The following ANKS1B variants were observed in gnomAD, a reference collection of about 807,000 sequenced individuals.
The protein encoded by ANKS1B is ankyrin repeat and sterile alpha motif domain-containing protein 1B.
ANKS1B carries 36 observed loss-of-function variants against 148.3 expected under a neutral mutation model. The observed-to-expected ratio is 0.24, with a 90% confidence interval of 0.19 to 0.32. The LOEUF is 0.32. ANKS1B is among the 10% of genes least tolerant of loss of function. The probability of loss-of-function intolerance (pLI) is 1.00; values close to 1 mark genes in which losing one functional copy is unlikely to be tolerated. For synonymous variants in ANKS1B, 542 were observed against 560.8 expected (o/e 0.97, Z 0.47); for missense variants, 1,157 against 1,542.6 (o/e 0.75, Z 4.19).
chr12:99,467,659 A>C, intron 10 of ANKS1B, among the ~76,000 whole-genome samples: 1 of 152,170 alleles, frequency 6.6e-6, no homozygotes. Flanking sequence ...ACAAACAGAG[A>C]GCCAAATCAT....
chr12:99,609,841 T>A (rs2097885104), intron 9 of ANKS1B, among the ~76,000 whole-genome samples: 1 of 152,060 alleles, frequency 6.6e-6, no homozygotes, highest in Admixed American at 6.6e-5. Flanking sequence ...CTAACCTGAA[T>A]TTGGAAAGGA....
At chr12:99,305,379 CTCATG>C (rs1018505418) in intron 12 of ANKS1B, among the ~76,000 whole-genome samples, 1 of 152,072 alleles carries the variant, frequency 6.6e-6, no homozygotes, top group Non-Finnish European at 1.5e-5. Context: ...AATTATCTGA[CTCATG>C]TCAGGAATTA....
intron 8 of ANKS1B, among the ~76,000 whole-genome samples, chr12:99,772,493 C>T (rs2063286637): frequency 6.6e-6 from 1 of 152,082 alleles, no homozygotes; most frequent in Non-Finnish European, 1.5e-5. Flanking sequence ...CCACATTTCT[C>T]TCCTACTATG....
intron 25 of ANKS1B, among the ~76,000 whole-genome samples, chr12:98,771,829 AC>A (rs1238701501): frequency 6.6e-6 from 1 of 152,172 alleles, no homozygotes; most frequent in African/African-American, 2.4e-5. Context: ...GTTCCCAATT[AC>A]CACCTGTAGG....
chr12:98,788,345 C>T (rs2098816763), intron 22 of ANKS1B, among the ~76,000 whole-genome samples: 1 of 151,914 alleles, frequency 6.6e-6, no homozygotes, highest in Admixed American at 6.6e-5. Flanking sequence ...CAAACTGGCT[C>T]AAATTGCAAG....
At chr12:99,161,246 A>G (rs1310714616) in intron 14 of ANKS1B, among the ~76,000 whole-genome samples, 1 of 152,170 alleles carries the variant, frequency 6.6e-6, no homozygotes, top group Non-Finnish European at 1.5e-5. Flanking sequence ...CGTGTTATCA[A>G]AATCAATGGA....
rs192715492 is a variant in ANKS1B, at chr12:99,540,964, C to A, written c.1273-36323G>T. On this transcript the variant is annotated intron_variant, in intron 9 of 26. Transcript: ENST00000683438. ...ATGAAAGAGAAGCTATCACTACCAACTTTACAGAAATAAAAAAGTTTATAA... is the reference window on the plus strand; with the variant it reads ...ATGAAAGAGAAGCTATCACTACCAAATTTACAGAAATAAAAAAGTTTATAA... Among the ~76,000 whole-genome samples, 831 of 151,972 alleles carry A rather than the reference C, an allele frequency of 5.5e-3. 5 individuals carry two copies. The highest frequency in any genetic ancestry group is 9.2e-3 in the Non-Finnish European group (622 of 67,910).
At chr12:99,303,219 T>C (rs1389032728) in intron 12 of ANKS1B, among the ~76,000 whole-genome samples, 1 of 152,184 alleles carries the variant, frequency 6.6e-6, no homozygotes, top group Non-Finnish European at 1.5e-5. Context: ...TTGGAAGTCA[T>C]GGACTTGCCT....
chr12:99,577,983 G>C (rs924963967), intron 9 of ANKS1B, among the ~76,000 whole-genome samples: 1 of 152,018 alleles, frequency 6.6e-6, no homozygotes, highest in Non-Finnish European at 1.5e-5. Context: ...CTAAATATTA[G>C]CAAACCAAAT....
intron 1 of ANKS1B, among the ~76,000 whole-genome samples, chr12:99,924,597 C>A (rs1042486231): frequency 6.6e-6 from 1 of 152,056 alleles, no homozygotes; most frequent in Non-Finnish European, 1.5e-5. Context: ...AGAGGTGGAA[C>A]CTTTTGGGAA....
Position 99,850,281 on chromosome 12 carries a change from G to GTCTCTCTCTCTC in ANKS1B, c.135-24904_135-24893dup, listed in dbSNP as rs71436968. ...TTGAGAAAACAGCAGAAGCAAGAAA[G>GTCTCTCTCTCTC]TCTCTCTCTCTCTCTCTCTCTCTCT... On this transcript the variant is annotated intron_variant, in intron 1 of 26. Coordinates refer to ENST00000683438, the MANE Select transcript of ANKS1B (RefSeq NM_001352186.2). Among the ~76,000 whole-genome samples the GTCTCTCTCTCTC allele has an allele frequency of 6.4e-4, 73 of 114,202 alleles. 1 individual carries two copies. Among genetic ancestry groups the GTCTCTCTCTCTC allele is most frequent in the African/African-American group, 2.3e-3 (63 of 27,814 alleles). The allele number at this position is 114,202 out of a possible 152,430, so 74.9% of individuals were successfully genotyped here.
chr12:99,665,853 T>C (rs965499760), intron 8 of ANKS1B, among the ~76,000 whole-genome samples: 1 of 152,154 alleles, frequency 6.6e-6, no homozygotes, highest in Non-Finnish European at 1.5e-5. Flanking sequence ...CATACCTCCT[T>C]TGTACTGTTG....
intron 10 of ANKS1B, among the ~76,000 whole-genome samples, chr12:99,460,356 CAA>C (rs1373740522): frequency 2.0e-5 from 3 of 152,036 alleles, no homozygotes; most frequent in Non-Finnish European, 4.4e-5. Flanking sequence ...TTGGCTTAAG[CAA>C]AGACTTCATG....
At chr12:99,289,243 C>T (rs1411302575) in intron 12 of ANKS1B, among the ~76,000 whole-genome samples, 1 of 151,830 alleles carries the variant, frequency 6.6e-6, no homozygotes, top group African/African-American at 2.4e-5. Context: ...TATATGCTCC[C>T]AACACTGGAG....
chr12:99,674,675 G>A (rs573917052), intron 8 of ANKS1B, among the ~76,000 whole-genome samples: 2 of 151,710 alleles, frequency 1.3e-5, no homozygotes, highest in East Asian at 3.9e-4. Flanking sequence ...AACAAAACAT[G>A]CGAATTGAAG....
chr12:99,039,162 A>T (rs1483909925), intron 17 of ANKS1B, among the ~76,000 whole-genome samples: 1 of 152,268 alleles, frequency 6.6e-6, no homozygotes, highest in Non-Finnish European at 1.5e-5. Context: ...CTTTCTAGGC[A>T]TACTGGGCCC....
intron 1 of ANKS1B, among the ~76,000 whole-genome samples, chr12:99,869,222 A>T (rs2153725906): frequency 6.6e-6 from 1 of 152,336 alleles, no homozygotes; most frequent in African/African-American, 2.4e-5. Flanking sequence ...CAAGATGATT[A>T]TAAAAATTAA....
intron 9 of ANKS1B, among the ~76,000 whole-genome samples, chr12:99,614,013 T>A (rs546932436): frequency 6.6e-6 from 1 of 152,176 alleles, no homozygotes; most frequent in South Asian, 2.1e-4. Flanking sequence ...ATTCTTTGAT[T>A]CCTAATTTTT....
intron 6 of ANKS1B, among the ~76,000 whole-genome samples, chr12:99,775,951 A>C (rs1225719497): frequency 1.3e-5 from 2 of 152,178 alleles, no homozygotes; most frequent in Non-Finnish European, 2.9e-5. Flanking sequence ...AAATAAATTC[A>C]CCTATTGAAG....
Sources: allele counts gnomAD v4.1 joint callset (sites outside exome capture counted in the v4.1 genomes callset), GRCh38; gene constraint gnomAD v4.1.1; transcripts MANE v1.5; gene names NCBI Gene and HGNC (gene_info 2026-07-23, HGNC 2026-07-21).